ZER1: variants seen among roughly 807,000 people sequenced by gnomAD.
The protein encoded by ZER1 is zyg-11 related cell cycle regulator.
ZER1 carries 11 observed loss-of-function variants against 78.8 expected under a neutral mutation model. The observed-to-expected ratio is 0.14, with a 90% CI of 0.09 to 0.23. The LOEUF is 0.23. ZER1 is among the 10% of genes least tolerant of loss of function. ZER1 has a pLI of 1.00. For synonymous variants in ZER1, 400 were observed against 407.0 expected (o/e 0.98, Z 0.21); for missense variants, 588 against 996.9 (o/e 0.59, Z 5.52).
chr9:128,755,242 G>T lies in ZER1; in HGVS notation c.158+166C>A, dbSNP rs1287273231. 6.6e-6 allele frequency among the ~76,000 whole-genome samples: 1 copy of T among 151,672 alleles called. No homozygotes were observed. The highest frequency in any genetic ancestry group is 2.4e-5 in the African/African-American group (1 of 41,258). On this transcript the variant is annotated intron_variant, in intron 2 of 15. Transcript: ENST00000291900. This position sits in a 1 kb window ranked among gnomAD's most constrained non-coding sequence, Gnocchi z 5.6. ...ACACATATACACCTTTACGGTTATG[G>T]ATACACCACTATTCTCTTGCAGCCA...
In ZER1 at chr9:128,742,909, A is replaced by G. The variant is rs116883513; in HGVS notation, c.1360-164T>C. ...TCTTCTCTAAAAAATGTTTTTTAAA[A>G]ATGTGAAATATTCATACAGAAGAAT... On this transcript the variant is annotated intron_variant, in intron 8 of 15. Coordinates refer to ENST00000291900, the MANE Select transcript of ZER1 (RefSeq NM_006336.4). Among the ~76,000 whole-genome samples the G allele has an allele frequency of 3.3e-3, 502 of 152,306 alleles. 8 individuals carry two copies. In the East Asian group the frequency reaches 0.035, roughly 11 times the overall value.
rs759330713 is a variant in ZER1 at position 128,740,104 on chromosome 9, G to A, written c.1869C>T (p.Ser623=). 6.2e-7 allele frequency: 1 copy of A among 1,603,584 alleles called. No individual in the cohort carries two copies. The highest frequency in any genetic ancestry group is 1.7e-5 in the Admixed American group (1 of 59,642). Residue 623 remains serine, a synonymous_variant, in exon 13 of 16, where the codon AGC becomes AGT. Coordinates refer to ENST00000291900, the MANE Select transcript of ZER1 (RefSeq NM_006336.4). The surrounding 1 kb of genome is among the most constrained non-coding windows in gnomAD (Gnocchi z 4.4). ...FISVFSNLLE[S]KADGIEVSYN... Reference sequence around the variant, plus strand: ...AGGAAACCTCGATCCCATCGGCCTTGCTCTCCAACAGGTTGCTGCCAGGAG... The same window carrying A: ...AGGAAACCTCGATCCCATCGGCCTTACTCTCCAACAGGTTGCTGCCAGGAG...
chr9:128,767,273 G>GT (rs1412234238), intron 1 of ZER1, among the ~76,000 whole-genome samples: 1 of 151,464 alleles, frequency 6.6e-6, no homozygotes, highest in Non-Finnish European at 1.5e-5. Context: ...AAGAGACAGG[G>GT]TCTCACTCTG....
At chr9:128,735,811 TC>T (rs1863057179) in intron 13 of ZER1, among the ~76,000 whole-genome samples, 1 of 143,052 alleles carries the variant, frequency 7.0e-6, no homozygotes, top group Non-Finnish European at 1.5e-5. Flanking sequence ...GGAGTTTCGC[TC>T]TGTTGCCCAG....
chr9:128,771,413 A>G (rs779905918), intron 1 of ZER1, among the ~76,000 whole-genome samples, 168 bp downstream of exon 1: 11 of 152,200 alleles, frequency 7.2e-5, no homozygotes, highest in Non-Finnish European at 1.3e-4. Context: ...GCTCAGTTTT[A>G]AAGACACGAT....
rs149490355 is a variant in ZER1 at position 128,737,031 on chromosome 9, C to G, written c.2043-1600G>C. Among the ~76,000 whole-genome samples, 256 of 152,174 alleles carry G rather than the reference C, an allele frequency of 1.7e-3. 1 individual carries two copies. The highest frequency in any genetic ancestry group is 5.9e-3 in the African/African-American group (247 of 41,516). ...TGGTAACGTGCACCTGTAATCCCAGCTACTCGGGAGGCTGAGACAGGAGAA... is the reference window on the plus strand; with the variant it reads ...TGGTAACGTGCACCTGTAATCCCAGGTACTCGGGAGGCTGAGACAGGAGAA... On this transcript the variant is annotated intron_variant, in intron 13 of 15. Coordinates refer to ENST00000291900, the MANE Select transcript of ZER1 (RefSeq NM_006336.4).
intron 1 of ZER1, among the ~76,000 whole-genome samples, chr9:128,757,355 C>T (rs1040871630): frequency 1.3e-5 from 2 of 151,738 alleles, no homozygotes; most frequent in Admixed American, 6.6e-5. Context: ...CCTGTCTCTA[C>T]AAAAAATACA....
intron 1 of ZER1, among the ~76,000 whole-genome samples, chr9:128,763,333 C>T (rs1864106140): frequency 6.6e-6 from 1 of 152,184 alleles, no homozygotes; most frequent in Non-Finnish European, 1.5e-5. Context: ...CTGAGTCCCC[C>T]CACAGGCCCG....
chr9:128,745,675 C>T (rs895288586), intron 8 of ZER1, among the ~76,000 whole-genome samples: 3 of 151,348 alleles, frequency 2.0e-5, no homozygotes, highest in South Asian at 2.1e-4. Context: ...ATTTTTAAGA[C>T]GCGGTCTCTC....
At chr9:128,746,826 G>A (rs1016076680) in intron 8 of ZER1, among the ~76,000 whole-genome samples, 1 of 151,852 alleles carries the variant, frequency 6.6e-6, no homozygotes, top group East Asian at 1.9e-4. Context: ...AGTAGAGACC[G>A]GGTTTCACCA....
chr9:128,731,437 T>TGGGGGGGTTTGGGGGGGGGGGGTGGGGGG, intron 15 of ZER1, 43 bp from the exon 16 acceptor site: 1 of 451,618 alleles, frequency 2.2e-6, no homozygotes, highest in African/African-American at 2.8e-5. Flanking sequence ...TGGGCTTGGG[T>TGGGGGGGTTTGGGGGGGGGGGGTGGGGGG]GGGGGTGAGC....
rs2132448064 is a variant in ZER1 at position 128,753,019 on chromosome 9, G to T, written c.746+145C>A. Reference sequence around the variant, plus strand: ...AGCCCCAATCCAGCTGAAACACTGGGTTTAAGGAATGGGACTGTGTCTTCA... The same window carrying T: ...AGCCCCAATCCAGCTGAAACACTGGTTTTAAGGAATGGGACTGTGTCTTCA... On this transcript the variant is annotated intron_variant, in intron 4 of 15. Coordinates refer to ENST00000291900, the MANE Select transcript of ZER1 (RefSeq NM_006336.4). This position sits in a 1 kb window ranked among gnomAD's most constrained non-coding sequence, Gnocchi z 7.5. The T allele has an allele frequency of 8.3e-7, 1 of 1,204,300 alleles. No individual in the cohort carries two copies. The highest frequency in any genetic ancestry group is 1.1e-6 in the Non-Finnish European group (1 of 878,898). 74.6% of individuals were successfully genotyped at this position (1,204,300 alleles called of 1,614,324 possible).
At chr9:128,733,116 T>C (rs1862893310) in intron 15 of ZER1, 1 of 267,034 alleles carries the variant, frequency 3.7e-6, no homozygotes, top group Admixed American at 4.6e-5. Context: ...AAATAATGAA[T>C]AGTTCTGACC....
intron 11 of ZER1, 94 bp downstream of exon 11, chr9:128,741,441 G>T: frequency 6.4e-7 from 1 of 1,566,672 alleles, no homozygotes; most frequent in Non-Finnish European, 8.7e-7. Context: ...CATGGGTGAG[G>T]GGTGCTGCGG....
At chr9:128,750,832 G>A (rs764032076) in intron 7 of ZER1, 43 bp from the exon 8 acceptor site, 4 of 1,611,726 alleles carry the variant, frequency 2.5e-6, no homozygotes, top group Non-Finnish European at 3.4e-6. Context: ...AGTGCAGGGA[G>A]AGGCCTGGGC....
At chr9:128,747,648 T>C (rs1290160568) in intron 8 of ZER1, among the ~76,000 whole-genome samples, 2 of 152,182 alleles carry the variant, frequency 1.3e-5, no homozygotes, top group African/African-American at 4.8e-5. Flanking sequence ...GAGTCTTGCT[T>C]CGTCACCCAG....
At chr9:128,743,519 T>C (rs1469628088) in intron 8 of ZER1, among the ~76,000 whole-genome samples, 1 of 152,108 alleles carries the variant, frequency 6.6e-6, no homozygotes, top group African/African-American at 2.4e-5. Flanking sequence ...CCTCTGGGGC[T>C]CAAGTGATCC....
intron 1 of ZER1, among the ~76,000 whole-genome samples, chr9:128,758,865 A>G (rs1292053651): frequency 3.3e-5 from 5 of 152,028 alleles, no homozygotes; most frequent in African/African-American, 7.3e-5. Flanking sequence ...TTACCCGGGG[A>G]GGTGATTGGA....
rs1350810535 is a variant in ZER1 at position 128,755,461 on chromosome 9, C to T, written c.105G>A (p.Arg35=). 1 of 1,614,060 alleles carries T rather than the reference C, an allele frequency of 6.2e-7. No individual in the cohort carries two copies. Reference sequence around the variant, plus strand: ...TGGGCAAGAAGATGTCCGGATGTAGCCGCAGGGTCTCCTTGTCCAGCAGGT... The same window carrying T: ...TGGGCAAGAAGATGTCCGGATGTAGTCGCAGGGTCTCCTTGTCCAGCAGGT... ...LGYLLDKETL[R]LHPDIFLPSE... The change falls in exon 2 of 16, where the codon CGG becomes CGA. Residue 35 remains arginine, a synonymous_variant. Coordinates refer to ENST00000291900, the MANE Select transcript of ZER1 (RefSeq NM_006336.4). This position sits in a 1 kb window ranked among gnomAD's most constrained non-coding sequence, Gnocchi z 5.6.
Sources: gnomAD v4.1 joint callset for allele counts (sites outside exome capture counted in the v4.1 genomes callset) on GRCh38, gnomAD v4.1.1 for gene constraint, Gnocchi (gnomAD v3.1) non-coding constraint, MANE v1.5 for transcripts, NCBI Gene and HGNC (gene_info 2026-07-23, HGNC 2026-07-21) for gene names.